CDH2: variants seen among roughly 807,000 people sequenced by gnomAD.
The protein encoded by CDH2 is cadherin-2.
A neutral mutation model predicts 92.0 loss-of-function variants in CDH2; 17 were observed. That is an observed-to-expected ratio of 0.18 (90% confidence interval 0.13 to 0.28). CDH2 has a LOEUF of 0.28. CDH2 is among the 10% of genes least tolerant of loss of function. The pLI is 1.00. For missense variants in CDH2, 862 were observed against 1,133.1 expected (o/e 0.76, Z 3.44); for synonymous variants, 419 against 415.9 (o/e 1.01, Z -0.09).
At chr18:27,969,959 C>T (rs2011617018) in intron 14 of CDH2, among the ~76,000 whole-genome samples, 1 of 152,124 alleles carries the variant, frequency 6.6e-6, no homozygotes, top group Non-Finnish European at 1.5e-5. Flanking sequence ...AAGATCGTGC[C>T]ATTGCACTCC....
At chr18:28,066,493 C>A (rs1340826668) in intron 2 of CDH2, among the ~76,000 whole-genome samples, 8 of 151,912 alleles carry the variant, frequency 5.3e-5, no homozygotes, top group African/African-American at 7.3e-5. Context: ...TATTGACAAC[C>A]CCCTTCTCCA....
chr18:28,133,189 C>T (rs897658784), intron 2 of CDH2, among the ~76,000 whole-genome samples: 1 of 152,184 alleles, frequency 6.6e-6, no homozygotes, highest in African/African-American at 2.4e-5. Context: ...TAATGATATG[C>T]TTTCAGTAAA....
At chr18:28,163,526 A>G (rs1172029555) in intron 1 of CDH2, among the ~76,000 whole-genome samples, 1 of 152,258 alleles carries the variant, frequency 6.6e-6, no homozygotes, top group Non-Finnish European at 1.5e-5. Context: ...TGGGGAACAC[A>G]GCCCTAGAGT....
At chr18:28,120,254 A>G (rs186834652) in intron 2 of CDH2, among the ~76,000 whole-genome samples, 168 of 152,072 alleles carry the variant, frequency 1.1e-3, no homozygotes, top group Non-Finnish European at 2.1e-3. Context: ...ATGGGTCATA[A>G]TGTGTGTCAT....
chr18:28,116,408 C>T (rs1009172285), intron 2 of CDH2, among the ~76,000 whole-genome samples: 2 of 152,148 alleles, frequency 1.3e-5, no homozygotes, highest in Non-Finnish European at 2.9e-5. Flanking sequence ...TGTTTTAGCA[C>T]ATTTTCTCCT....
At chr18:28,034,752 C>G (rs894822208) in intron 2 of CDH2, among the ~76,000 whole-genome samples, 1 of 151,922 alleles carries the variant, frequency 6.6e-6, no homozygotes, top group Non-Finnish European at 1.5e-5. Flanking sequence ...TAGAATAGAC[C>G]AGTCACCTTT....
intron 2 of CDH2, among the ~76,000 whole-genome samples, chr18:28,090,889 A>G (rs901140075): frequency 2.0e-5 from 3 of 152,168 alleles, no homozygotes; most frequent in African/African-American, 7.2e-5. Context: ...CTCTGCCTAC[A>G]AGTAGAACAT....
chr18:28,005,226 C>T (rs1451216463), intron 6 of CDH2, among the ~76,000 whole-genome samples: 2 of 152,126 alleles, frequency 1.3e-5, no homozygotes, highest in Non-Finnish European at 2.9e-5. Flanking sequence ...TACCACTTTA[C>T]AATCATGAGT....
intron 7 of CDH2, among the ~76,000 whole-genome samples, chr18:28,000,991 T>C (rs773938379): frequency 6.6e-6 from 1 of 152,090 alleles, no homozygotes; most frequent in Non-Finnish European, 1.5e-5. Flanking sequence ...CCGAGATAGA[T>C]GCATTTTTTC....
chr18:27,990,014 A>C (rs1001381403), intron 10 of CDH2, 83 bp downstream of exon 10: 1 of 1,209,970 alleles, frequency 8.3e-7, no homozygotes, highest in Non-Finnish European at 1.2e-6. Flanking sequence ...GAAAATTTCT[A>C]CTCAAATAGT....
chr18:28,037,770 A>G (rs1013888897), intron 2 of CDH2, among the ~76,000 whole-genome samples: 3 of 152,222 alleles, frequency 2.0e-5, no homozygotes, highest in African/African-American at 7.2e-5. Context: ...GTTTTGGGAC[A>G]AACGACTCAA....
rs2013164007 is a variant in CDH2, at chr18:28,013,765, G to A, written c.317C>T (p.Ala106Val). 1 of 1,613,900 alleles carries A rather than the reference G, an allele frequency of 6.2e-7. No homozygotes were observed. The highest frequency in any genetic ancestry group is 8.5e-7 in the Non-Finnish European group (1 of 1,179,910). Residue 106 changes from alanine to valine, a missense_variant, in exon 3 of 16, where the codon GCC (alanine) becomes GTC (valine). Transcript: ENST00000269141. The stretch of plus-strand genomic sequence containing the variant: ...CTTTTCCTGGGTCTCTTTGTCTTGG[G>A]CATATATCAGGAACTTGGCATGCTC... ...SSEHAKFLIYAQDKETQEKWQ... is the reference protein window; with the variant it reads ...SSEHAKFLIYVQDKETQEKWQ...
At chr18:28,072,602 T>C (rs1358695438) in intron 2 of CDH2, among the ~76,000 whole-genome samples, 1 of 152,202 alleles carries the variant, frequency 6.6e-6, no homozygotes, top group Non-Finnish European at 1.5e-5. Context: ...AATAATAAAG[T>C]AGGTTAGAAC....
intron 10 of CDH2, 134 bp from the exon 11 acceptor site, chr18:27,988,800 A>G (rs1348782080): frequency 1.5e-6 from 1 of 661,992 alleles, no homozygotes. Flanking sequence ...CAGCTTTAAC[A>G]GGAAAAAGTA....
intron 14 of CDH2, among the ~76,000 whole-genome samples, chr18:27,973,932 A>C (rs1297197841): frequency 1.8e-4 from 28 of 152,134 alleles, no homozygotes; most frequent in Non-Finnish European, 1.5e-5. Flanking sequence ...GTGTAGAGAG[A>C]AGCAGACCTC....
At chr18:28,046,004 T>G (rs1039952851) in intron 2 of CDH2, among the ~76,000 whole-genome samples, 9 of 152,184 alleles carry the variant, frequency 5.9e-5, no homozygotes, top group African/African-American at 2.2e-4. Context: ...TTCTGCTCAT[T>G]AAGAAAACAC....
intron 2 of CDH2, among the ~76,000 whole-genome samples, chr18:28,073,284 G>A (rs144314045): frequency 1.8e-3 from 278 of 152,122 alleles, no homozygotes; most frequent in African/African-American, 5.2e-3. Flanking sequence ...ATTTCACAAG[G>A]TATTTATTTC....
chr18:27,961,359 C>CAGTT lies in CDH2; in HGVS notation c.2514+1994_2514+1997dup, dbSNP rs1223198644. On this transcript the variant is annotated intron_variant, in intron 15 of 15. Coordinates refer to ENST00000269141, the MANE Select transcript of CDH2 (RefSeq NM_001792.5). ...ACTGAGTGGGAGAAAGAAATACTGA[C>CAGTT]AGTTACACCCCAGCTGGTGAGGGCT... 4.6e-5 allele frequency among the ~76,000 whole-genome samples: 7 copies of CAGTT among 151,950 alleles called. No individual in the cohort carries two copies. In the East Asian group the frequency reaches 1.4e-3, roughly 29 times the overall value.
chr18:28,013,672 G>A lies in CDH2; in HGVS notation c.399+11C>T, dbSNP rs774244749. On this transcript the variant is annotated intron_variant, in intron 3 of 15. Coordinates refer to ENST00000269141, the MANE Select transcript of CDH2 (RefSeq NM_001792.5). ...TTTAACCAGCCCTAAAGCCATATTC[G>A]GATACTATACCTTCACTGACTCCTC... is the stretch of plus-strand genomic sequence containing the variant. 1.4e-5 allele frequency: 22 copies of A among 1,595,454 alleles called. No homozygotes were observed. The East Asian group carries it at 3.8e-4, about 28-fold the overall frequency.
Sources: allele counts gnomAD v4.1 joint callset (sites outside exome capture counted in the v4.1 genomes callset), GRCh38; gene constraint gnomAD v4.1.1; transcripts MANE v1.5; gene names NCBI Gene and HGNC (gene_info 2026-07-23, HGNC 2026-07-21).